Variants in ST3GAL3 observed in about 807,000 individuals in gnomAD.
ST3GAL3 encodes the protein CMP-N-acetylneuraminate-beta-1,4-galactoside alpha-2,3-sialyltransferase.
In ST3GAL3, 21 loss-of-function variants were observed where a neutral mutation model predicts 50.1. The observed-to-expected ratio is 0.42, with a 90% CI of 0.30 to 0.60. The LOEUF is 0.60. ST3GAL3 is among the 20% of genes least tolerant of loss of function. ST3GAL3 has a pLI of 0.19. For missense variants in ST3GAL3, 353 were observed against 489.4 expected, an observed-to-expected ratio of 0.72 and a Z score of 2.63; for synonymous variants, 183 against 190.0, an observed-to-expected ratio of 0.96 and a Z score of 0.30.
intron 3 of ST3GAL3, among the ~76,000 whole-genome samples, chr1:43,806,928 C>T (rs776626794): frequency 7.2e-5 from 11 of 152,148 alleles, no homozygotes; most frequent in East Asian, 3.9e-4. Flanking sequence ...TGGGTTCAAG[C>T]GATCTGCCTG....
intron 5 of ST3GAL3, among the ~76,000 whole-genome samples, chr1:43,858,940 CAA>C (rs1288904524): frequency 6.6e-6 from 1 of 152,168 alleles, no homozygotes; most frequent in Non-Finnish European, 1.5e-5. Flanking sequence ...CTGATGCAGG[CAA>C]AGAGTCCAGA....
chr1:43,828,303 G>A lies in ST3GAL3; in HGVS notation c.210-9916G>A, dbSNP rs528030045. Among the ~76,000 whole-genome samples the A allele has an allele frequency of 5.3e-5, 8 of 152,228 alleles. No homozygotes were observed. The South Asian group carries it at 1.7e-3, about 32-fold the overall frequency. ...AACCTGAAACTATAATAAACTTCTG[G>A]AAGGTAACATAGAAAATTTATGTGA... On this transcript the variant is annotated intron_variant, in intron 4 of 11. Transcript: ENST00000347631.
At chr1:43,824,164 C>T (rs1573689193) in intron 4 of ST3GAL3, among the ~76,000 whole-genome samples, 1 of 152,112 alleles carries the variant, frequency 6.6e-6, no homozygotes, top group Non-Finnish European at 1.5e-5. Context: ...AATAGAGCCA[C>T]CTTTAATAAC....
chr1:43,888,298 C>T (rs1356504607), intron 5 of ST3GAL3, among the ~76,000 whole-genome samples: 1 of 152,132 alleles, frequency 6.6e-6, no homozygotes, highest in African/African-American at 2.4e-5. Context: ...ATGACTCAAA[C>T]TCCAGAAGCA....
intron 3 of ST3GAL3, among the ~76,000 whole-genome samples, chr1:43,813,952 G>A (rs2060931400): frequency 6.6e-6 from 1 of 150,540 alleles, no homozygotes; most frequent in African/African-American, 2.5e-5. Context: ...ATGGAGCAGA[G>A]CCATAAGAAA....
chr1:43,899,839 C>A lies in ST3GAL3; in HGVS notation c.744+112C>A. 1 of 1,143,118 alleles carries A rather than the reference C, an allele frequency of 8.7e-7. No individual in the cohort carries two copies. Among genetic ancestry groups the A allele is most frequent in the Non-Finnish European group, 1.3e-6 (1 of 777,552 alleles). The allele number at this position is 1,143,118 out of a possible 1,614,324, so 70.8% of individuals were successfully genotyped here. ...AACGAGTAAGAACCTTCAAAGGAAA[C>A]ATTAATGACCCAAAGCCGAAATCAC... On this transcript the variant is annotated intron_variant, in intron 9 of 11. Transcript: ENST00000347631. This position sits in a 1 kb window ranked among gnomAD's most constrained non-coding sequence, Gnocchi z 5.4.
intron 5 of ST3GAL3, among the ~76,000 whole-genome samples, chr1:43,867,737 C>G (rs1406060782): frequency 6.6e-6 from 1 of 152,196 alleles, no homozygotes; most frequent in Non-Finnish European, 1.5e-5. Flanking sequence ...TGTCTTATGT[C>G]TGGCCCAGTT....
intron 4 of ST3GAL3, among the ~76,000 whole-genome samples, chr1:43,822,253 G>T (rs1455327683): frequency 6.6e-6 from 1 of 152,176 alleles, no homozygotes; most frequent in Non-Finnish European, 1.5e-5. Context: ...CCTTGAAGGA[G>T]CCAGATCCTG....
chr1:43,722,452 G>C (rs1158031825), intron 1 of ST3GAL3, among the ~76,000 whole-genome samples: 1 of 152,200 alleles, frequency 6.6e-6, no homozygotes, highest in African/African-American at 2.4e-5. Context: ...TAAAGAAAAT[G>C]GGAAATGTAT....
intron 1 of ST3GAL3, among the ~76,000 whole-genome samples, chr1:43,732,367 G>T (rs1676319574): frequency 6.6e-6 from 1 of 152,170 alleles, no homozygotes; most frequent in Admixed American, 6.5e-5. Context: ...CCTTGCCATG[G>T]TTCTAGTAGC....
intron 4 of ST3GAL3, among the ~76,000 whole-genome samples, chr1:43,831,301 G>A (rs1037379565): frequency 6.6e-6 from 1 of 152,170 alleles, no homozygotes; most frequent in African/African-American, 2.4e-5. Flanking sequence ...AGGTAGACAG[G>A]GCCCTGGCCA....
intron 9 of ST3GAL3, among the ~76,000 whole-genome samples, chr1:43,910,076 C>T (rs955711863): frequency 6.6e-6 from 1 of 152,160 alleles, no homozygotes; most frequent in Non-Finnish European, 1.5e-5. Flanking sequence ...GAACTTGGTA[C>T]CGAGAGCCAT....
Position 43,898,227 on chromosome 1 carries a change from G to A in ST3GAL3, c.398-8G>A, listed in dbSNP as rs113074120. ...CCTGTAACAGAAACCTCTCTCCTCT[G>A]TCTGCAGACAATCTGATCAAAGCCA... is the stretch of plus-strand genomic sequence containing the variant. On this transcript the variant is annotated splice_region_variant and splice_polypyrimidine_tract_variant and intron_variant, in intron 6 of 11. Transcript: ENST00000347631. 1 of 1,613,824 alleles carries A rather than the reference G, an allele frequency of 6.2e-7. No individual in the cohort carries two copies. Among genetic ancestry groups the A allele is most frequent in the African/African-American group, 1.3e-5 (1 of 75,022 alleles).
chr1:43,774,786 G>A (rs570510521), intron 2 of ST3GAL3, among the ~76,000 whole-genome samples: 1 of 152,274 alleles, frequency 6.6e-6, no homozygotes, highest in South Asian at 2.1e-4. Flanking sequence ...TTCTCACTCA[G>A]CAAATACATA....
chr1:43,894,553 C>G, intron 6 of ST3GAL3, 76 bp downstream of exon 6: 1 of 1,288,734 alleles, frequency 7.8e-7, no homozygotes, highest in Non-Finnish European at 1.1e-6. Flanking sequence ...AAGGCTACAT[C>G]CTCAGAAGTC....
intron 6 of ST3GAL3, among the ~76,000 whole-genome samples, chr1:43,895,643 T>C (rs1039648799): frequency 2.6e-5 from 4 of 152,284 alleles, no homozygotes; most frequent in East Asian, 1.9e-4. Context: ...AACCCTCTAC[T>C]CAGCCAGACT....
At chr1:43,856,982 C>T (rs777911765) in intron 5 of ST3GAL3, among the ~76,000 whole-genome samples, 3 of 151,988 alleles carry the variant, frequency 2.0e-5, no homozygotes, top group Non-Finnish European at 4.4e-5. Flanking sequence ...TGATTAGGGA[C>T]CCACACTTGC....
chr1:43,780,832 CCT>C (rs1162341737), intron 2 of ST3GAL3, among the ~76,000 whole-genome samples: 1 of 152,002 alleles, frequency 6.6e-6, no homozygotes, highest in Non-Finnish European at 1.5e-5. Context: ...TTTTCATCCC[CCT>C]GAGTCTCTTC....
intron 5 of ST3GAL3, among the ~76,000 whole-genome samples, chr1:43,862,915 C>CA: frequency 6.6e-6 from 1 of 151,812 alleles, no homozygotes; most frequent in East Asian, 1.9e-4. Context: ...GACCCAGTTT[C>CA]AAAAAAACAG....
Sources: gnomAD v4.1 joint callset for allele counts (sites outside exome capture counted in the v4.1 genomes callset) on GRCh38, gnomAD v4.1.1 for gene constraint, Gnocchi (gnomAD v3.1) non-coding constraint, MANE v1.5 for transcripts, NCBI Gene and HGNC (gene_info 2026-07-23, HGNC 2026-07-21) for gene names.